BRSK2: variants seen among roughly 807,000 people sequenced by gnomAD.
BRSK2 encodes the protein BR serine/threonine kinase 2.
A neutral mutation model predicts 83.3 loss-of-function variants in BRSK2; 19 were observed. That is an observed-to-expected ratio of 0.23 (90% CI 0.16 to 0.33). The LOEUF is 0.33. BRSK2 is among the 10% of genes least tolerant of loss of function. BRSK2 has a pLI of 1.00. For missense variants in BRSK2, 798 were observed against 1,042.3 expected (o/e 0.77, Z 3.23); for synonymous variants, 519 against 435.4 (o/e 1.19, Z -2.39).
At position 1,442,520 on chromosome 11, in the gene BRSK2, G is replaced by T; in HGVS notation, c.444G>T (p.Leu148=). The T allele has an allele frequency of 6.2e-7, 1 of 1,613,102 alleles. No individual in the cohort carries two copies. The highest frequency in any genetic ancestry group is 8.5e-7 in the Non-Finnish European group (1 of 1,179,762). ...GGGATCTGAAACCTGAAAACCTCCT[G>T]CTGGACGAGAAGAACAACATCCGCA... ...CHRDLKPENL[L]LDEKNNIRIA... Residue 148 remains leucine, a synonymous_variant, in exon 5 of 20, where the codon CTG becomes CTT. Coordinates refer to ENST00000528841, the MANE Select transcript of BRSK2 (RefSeq NM_001256627.2).
chr11:1,445,268 G>A (rs1851869161), intron 9 of BRSK2, 26 bp from the exon 10 acceptor site: 1 of 1,586,262 alleles, frequency 6.3e-7, no homozygotes, highest in Non-Finnish European at 8.6e-7. Context: ...GAGCTGATGA[G>A]CGGGTGGCCC....
At position 1,396,253 on chromosome 11, in the gene BRSK2, G is replaced by C. The variant is rs11025205; in HGVS notation, c.91+5878G>C. 5.6e-3 allele frequency among the ~76,000 whole-genome samples: 659 copies of C among 117,508 alleles called. 13 individuals carry two copies. The highest frequency in any genetic ancestry group is 0.013 in the African/African-American group (296 of 22,972). The allele number at this position is 117,508 out of a possible 152,430, so 77.1% of individuals were successfully genotyped here. A position where few individuals can be genotyped will look rare whatever the true frequency, so the allele number is the denominator to read the frequency against. On this transcript the variant is annotated intron_variant, in intron 1 of 19. Transcript: ENST00000528841. The stretch of plus-strand genomic sequence containing the variant: ...CCTTCCACCCACGTCCCCCACTCCT[G>C]GTCCCTCTTCCCTTCCACCCACGTC...
chr11:1,445,546 G>GTCTCGCGCC (rs1564857063), intron 10 of BRSK2, 25 bp from the exon 11 acceptor site: 11 of 1,593,512 alleles, frequency 6.9e-6, no homozygotes, highest in South Asian at 2.2e-5. Context: ...GTGCCAGCGC[G>GTCTCGCGCC]TCTCGCGCCT....
intron 1 of BRSK2, among the ~76,000 whole-genome samples, chr11:1,418,375 G>C (rs1408685969): frequency 1.3e-5 from 2 of 149,380 alleles, no homozygotes; most frequent in African/African-American, 5.0e-5. Context: ...TCTCTTGAGA[G>C]TGGGTCACCT....
rs563681124 is a variant in BRSK2, at chr11:1,438,421, G to T, written c.272+30G>T. On this transcript the variant is annotated intron_variant, in intron 3 of 19. Transcript: ENST00000528841. This position sits in a 1 kb window ranked among gnomAD's most constrained non-coding sequence, Gnocchi z 6.4. ...GTATTGCTGGGTCTGAAGAGCTGGG[G>T]TGGCGGAGGTGGCAGCTGTCGCTGC... 1 of 1,599,612 alleles carries T rather than the reference G, an allele frequency of 6.3e-7. No homozygotes were observed. The highest frequency in any genetic ancestry group is 1.3e-5 in the African/African-American group (1 of 74,688).
Position 1,389,996 on chromosome 11 carries a change from GGCCTC to G in BRSK2, c.-287_-283del. ...CTGGGGGCGCGGGGCGCGGGGCGCGGGCCTCGGCGGCGGCGGCGGCGGCGGCGGCG... is the reference window on the plus strand; with the variant it reads ...CTGGGGGCGCGGGGCGCGGGGCGCGGGGCGGCGGCGGCGGCGGCGGCGGCG... On this transcript the variant is annotated 5_prime_UTR_variant, in exon 1 of 20. Coordinates refer to ENST00000528841, the MANE Select transcript of BRSK2 (RefSeq NM_001256627.2). The surrounding 1 kb of genome is among the most constrained non-coding windows in gnomAD (Gnocchi z 4.1). The G allele has an allele frequency of 6.8e-6, 1 of 147,352 alleles. No individual in the cohort carries two copies. The highest frequency in any genetic ancestry group is 1.5e-5 in the Non-Finnish European group (1 of 66,296). 9.1% of individuals were successfully genotyped at this position (147,352 alleles called of 1,614,324 possible). A position where few individuals can be genotyped will look rare whatever the true frequency, so the allele number is the denominator to read the frequency against.
chr11:1,433,504 C>T (rs370925537), intron 1 of BRSK2, among the ~76,000 whole-genome samples: 6 of 152,370 alleles, frequency 3.9e-5, no homozygotes, highest in Middle Eastern at 3.4e-3. Context: ...GGCTCCATGC[C>T]CTTCGGACCA....
intron 1 of BRSK2, among the ~76,000 whole-genome samples, chr11:1,418,417 T>A (rs1848325235): frequency 6.7e-6 from 1 of 148,838 alleles, no homozygotes; most frequent in South Asian, 2.2e-4. Context: ...TTTCTTCTCT[T>A]GAGAGTGGGT....
chr11:1,459,067 TG>T, intron 18 of BRSK2, 124 bp from the exon 19 acceptor site: 1 of 391,112 alleles, frequency 2.6e-6, no homozygotes, highest in Non-Finnish European at 4.7e-6. Context: ...TCCCCACCCA[TG>T]CCTCTGGGGC....
At chr11:1,411,582 C>G in intron 1 of BRSK2, 1 of 1,582,820 alleles carries the variant, frequency 6.3e-7, no homozygotes, top group Non-Finnish European at 8.5e-7. Flanking sequence ...CCAGCCGCAC[C>G]TCCACCTTCC....
rs372703796 is a variant in BRSK2 at position 1,443,730 on chromosome 11, G to A, written c.780+95G>A. ...TGTGCACAGGTGTGTGCCCAGACGT[G>A]TGGGCACCCAGGTGTGTGGGTCGGT... On this transcript the variant is annotated intron_variant, in intron 8 of 19. Transcript: ENST00000528841. The A allele has an allele frequency of 1.9e-4, 265 of 1,388,452 alleles. No individual in the cohort carries two copies. The African/African-American group carries it at 3.5e-3, about 18-fold the overall frequency. The allele number at this position is 1,388,452 out of a possible 1,614,324, so 86.0% of individuals were successfully genotyped here. A position where few individuals can be genotyped will look rare whatever the true frequency, so the allele number is the denominator to read the frequency against.
intron 12 of BRSK2, 65 bp from the exon 13 acceptor site, chr11:1,449,711 A>G: frequency 7.0e-7 from 1 of 1,419,602 alleles, no homozygotes; most frequent in Non-Finnish European, 9.8e-7. Context: ...GGGGGAGCAG[A>G]GCCCAGCACC....
chr11:1,398,055 G>A (rs941308005), intron 1 of BRSK2, among the ~76,000 whole-genome samples: 6 of 152,216 alleles, frequency 3.9e-5, no homozygotes, highest in African/African-American at 4.8e-5. Context: ...ATGGCTGCAA[G>A]TCGGGCTGAG....
At chr11:1,396,100 T>C (rs1846068655) in intron 1 of BRSK2, among the ~76,000 whole-genome samples, 1 of 152,080 alleles carries the variant, frequency 6.6e-6, no homozygotes. Flanking sequence ...CCAGGTCCCT[T>C]CCTTGCTCTG....
chr11:1,424,901 CG>C (rs990907534), intron 1 of BRSK2, among the ~76,000 whole-genome samples: 3 of 152,292 alleles, frequency 2.0e-5, no homozygotes, highest in African/African-American at 7.2e-5. Flanking sequence ...CACAGCACCT[CG>C]TGGGCCCAGA....
chr11:1,443,299 T>G, intron 6 of BRSK2, 36 bp from the exon 7 acceptor site: 1 of 1,581,752 alleles, frequency 6.3e-7, no homozygotes, highest in East Asian at 2.3e-5. Flanking sequence ...CGCCCTGCCC[T>G]GCGCCCCCCA....
At chr11:1,419,670 G>T (rs1026957642) in intron 1 of BRSK2, among the ~76,000 whole-genome samples, 2 of 152,184 alleles carry the variant, frequency 1.3e-5, no homozygotes, top group Admixed American at 1.3e-4. Flanking sequence ...CAGCACTTTG[G>T]GGGGCCATGG....
chr11:1,437,942 G>A (rs1033865880), intron 2 of BRSK2, among the ~76,000 whole-genome samples: 4 of 152,100 alleles, frequency 2.6e-5, no homozygotes, highest in Admixed American at 6.5e-5. Context: ...GTGTCAGCCC[G>A]GCGGCCTGGG....
At chr11:1,458,393 T>C (rs1295806924) in intron 18 of BRSK2, among the ~76,000 whole-genome samples, 1 of 151,976 alleles carries the variant, frequency 6.6e-6, no homozygotes, top group Non-Finnish European at 1.5e-5. Context: ...CCCATCTATC[T>C]CCCTGTGGAC....
Sources: gnomAD v4.1 joint callset for allele counts (sites outside exome capture counted in the v4.1 genomes callset) on GRCh38, gnomAD v4.1.1 for gene constraint, Gnocchi (gnomAD v3.1) non-coding constraint, MANE v1.5 for transcripts, NCBI Gene and HGNC (gene_info 2026-07-23, HGNC 2026-07-21) for gene names.